Variants in NIM1K observed in about 807,000 individuals in gnomAD.
The protein encoded by NIM1K is NIM1 serine/threonine protein kinase.
Under a neutral mutation model 37.1 loss-of-function variants are expected in NIM1K, and 35 were observed. The observed-to-expected ratio is 0.94, with a 90% confidence interval of 0.72 to 1.25. NIM1K has a LOEUF of 1.25. Among genes scored for constraint, NIM1K ranks in the 50% most tolerant of loss-of-function variants. The pLI is 0.00. For synonymous variants in NIM1K, 234 were observed against 206.6 expected, an observed-to-expected ratio of 1.13 and a Z score of -1.14; for missense variants, 564 against 548.0, an observed-to-expected ratio of 1.03 and a Z score of -0.29.
At chr5:43,204,284 A>G (rs1307460744) in intron 1 of NIM1K, among the ~76,000 whole-genome samples, 5 of 150,542 alleles carry the variant, frequency 3.3e-5, no homozygotes, top group Admixed American at 3.3e-4. Context: ...GAGTTTCACC[A>G]TATTGGCCAG....
rs554322159 is a variant in NIM1K, at chr5:43,232,317, G to A, written c.-694-12765G>A. 4.8e-6 allele frequency: 6 copies of A among 1,248,238 alleles called. No homozygotes were observed. In the South Asian group the frequency reaches 6.0e-5, roughly 12 times the overall value. The allele number at this position is 1,248,238 out of a possible 1,614,324, so 77.3% of individuals were successfully genotyped here. A position where few individuals can be genotyped will look rare whatever the true frequency, so the allele number is the denominator to read the frequency against. On this transcript the variant is annotated intron_variant, in intron 1 of 3. Transcript: ENST00000326035. Reference sequence around the variant, plus strand: ...GCACTGGCAGTCTCTGCTACAGAAAGCTGTTTCATGGTAGGCTTTCTCAGC... The same window carrying A: ...GCACTGGCAGTCTCTGCTACAGAAAACTGTTTCATGGTAGGCTTTCTCAGC...
chr5:43,262,597 A>C (rs1347923733), intron 2 of NIM1K, among the ~76,000 whole-genome samples: 1 of 151,992 alleles, frequency 6.6e-6, no homozygotes, highest in Non-Finnish European at 1.5e-5. Context: ...AATAGCCTTT[A>C]TTTCTTTCTC....
At position 43,245,892 on chromosome 5, in the gene NIM1K, G is replaced by C; in HGVS notation, c.117G>C (p.Glu39Asp). 1 of 1,614,148 alleles carries C rather than the reference G, an allele frequency of 6.2e-7. No homozygotes were observed. The highest frequency in any genetic ancestry group is 8.5e-7 in the Non-Finnish European group (1 of 1,180,024). ...CCGAGAGTAGCAAGGAGGGTGAGGA[G>C]GGACAGCCCCGCCAGCTGACGCCCT... The part of the protein sequence containing the change: ...CQTESSKEGE[E>D]GQPRQLTPFE... The change falls in exon 2 of 4, where the codon GAG (glutamate) becomes GAC (aspartate). Residue 39 changes from glutamate to aspartate, a missense_variant. Glu to Asp is a conservative substitution (Grantham distance 45). Coordinates refer to ENST00000326035, the MANE Select transcript of NIM1K (RefSeq NM_153361.4).
chr5:43,238,198 A>G (rs749637578), intron 1 of NIM1K, among the ~76,000 whole-genome samples: 7 of 151,534 alleles, frequency 4.6e-5, no homozygotes, highest in Non-Finnish European at 8.8e-5. Context: ...GCCCGCCACC[A>G]CGCCCGGCTA....
chr5:43,280,537 T>C lies in NIM1K; in HGVS notation c.1119T>C (p.Asn373=), dbSNP rs138134945. 4.5e-5 allele frequency: 73 copies of C among 1,613,986 alleles called. No homozygotes were observed. Among genetic ancestry groups the C allele is most frequent in the Non-Finnish European group, 5.8e-5 (69 of 1,180,022 alleles). ...HLGITEEHIR[N]NQGRDARSSI... ...GCATTACAGAAGAGCATATTCGAAA[T>C]AACCAAGGGAGAGATGCTCGCAGCT... Residue 373 remains asparagine (N), a synonymous_variant, in exon 4 of 4, where the codon AAT becomes AAC. Transcript: ENST00000326035.
intron 1 of NIM1K, among the ~76,000 whole-genome samples, chr5:43,242,454 A>G (rs1579975407): frequency 6.6e-6 from 1 of 150,686 alleles, no homozygotes; most frequent in Non-Finnish European, 1.5e-5. Context: ...AGGGGCAGGG[A>G]TGGGGGAGAC....
intron 1 of NIM1K, among the ~76,000 whole-genome samples, chr5:43,228,150 A>AC (rs1205575676): frequency 6.7e-6 from 1 of 148,558 alleles, no homozygotes; most frequent in Non-Finnish European, 1.5e-5. Flanking sequence ...CTTGGTTGAG[A>AC]CCTTTTTTTT....
Position 43,280,687 on chromosome 5 carries a change from CA to C in NIM1K, c.1270del (p.Arg424GlufsTer3). On this transcript the variant is annotated frameshift_variant, in exon 4 of 4. Coordinates refer to ENST00000326035, the MANE Select transcript of NIM1K (RefSeq NM_153361.4). LOFTEE classifies it high-confidence loss of function. Reference protein sequence around the residue: ...RDLKKGSRVYRGIRHTSKFCS... With the variant: ...RDLKKGSRVYXGIRHTSKFCS... The stretch of plus-strand genomic sequence containing the variant: ...ACCTCAAAAAAGGGTCCCGTGTCTA[CA>C]GAGGGATAAGACACACATCCAAATT... The C allele has an allele frequency of 6.2e-7, 1 of 1,611,224 alleles. No individual in the cohort carries two copies.
At chr5:43,215,503 C>A (rs928428014) in intron 1 of NIM1K, among the ~76,000 whole-genome samples, 1 of 152,208 alleles carries the variant, frequency 6.6e-6, no homozygotes, top group Non-Finnish European at 1.5e-5. Context: ...GGCGCAATCT[C>A]GGCTCACGCA....
rs981288593 is a variant in NIM1K at position 43,280,760 on chromosome 5, A to G, written c.*31A>G. On this transcript the variant is annotated 3_prime_UTR_variant, in exon 4 of 4. Transcript: ENST00000326035. ...ACTAGACTGCTTGTAACTAACCAAG[A>G]TGATTGTTGCTGCTTCTAAATTTTT... 2.0e-6 allele frequency: 3 copies of G among 1,517,238 alleles called. No individual in the cohort carries two copies. Among genetic ancestry groups the G allele is most frequent in the Non-Finnish European group, 1.8e-6 (2 of 1,133,036 alleles). 94.0% of individuals were successfully genotyped at this position (1,517,238 alleles called of 1,614,324 possible).
rs1201339117 is a variant in NIM1K at position 43,259,856 on chromosome 5, TA to T, written c.292+13790del. On this transcript the variant is annotated intron_variant, in intron 2 of 3. Transcript: ENST00000326035. ...TTTGGGGTCTTAGTCACAAATTCTT[TA>T]TCTAAGTCAATGTCCAGTAGAGTTT... Among the ~76,000 whole-genome samples, 6 of 152,152 alleles carry T rather than the reference TA, an allele frequency of 3.9e-5. No individual in the cohort carries two copies. The East Asian group carries it at 1.2e-3, about 29-fold the overall frequency.
intron 1 of NIM1K, among the ~76,000 whole-genome samples, chr5:43,195,954 T>G (rs1006238300): frequency 6.6e-6 from 1 of 152,212 alleles, no homozygotes; most frequent in African/African-American, 2.4e-5. Flanking sequence ...TAAGAAGAAC[T>G]CCACTCTTCA....
intron 1 of NIM1K, among the ~76,000 whole-genome samples, chr5:43,202,354 AT>A (rs1277008933): frequency 6.6e-6 from 1 of 151,970 alleles, no homozygotes; most frequent in Non-Finnish European, 1.5e-5. Context: ...TAGCCCCCAA[AT>A]TTGTTTTAGA....
At chr5:43,214,240 A>AT (rs1752264429) in intron 1 of NIM1K, among the ~76,000 whole-genome samples, 1 of 152,190 alleles carries the variant, frequency 6.6e-6, no homozygotes, top group Non-Finnish European at 1.5e-5. Context: ...CACAGTAGAG[A>AT]TATATGCATA....
At chr5:43,229,562 T>C (rs979585624) in intron 1 of NIM1K, among the ~76,000 whole-genome samples, 1 of 152,070 alleles carries the variant, frequency 6.6e-6, no homozygotes, top group African/African-American at 2.4e-5. Context: ...ACAAGACAGA[T>C]AAAATCTGTC....
chr5:43,216,463 G>A (rs1213791880), intron 1 of NIM1K, among the ~76,000 whole-genome samples: 1 of 152,174 alleles, frequency 6.6e-6, no homozygotes, highest in Non-Finnish European at 1.5e-5. Flanking sequence ...CATATCTTTT[G>A]GTAGTGCAAT....
intron 1 of NIM1K, chr5:43,232,920 G>A (rs58488720): frequency 0.033 from 38,622 of 1,157,114 alleles, 1,728 homozygotes; most frequent in African/African-American, 0.19. Flanking sequence ...GGAAGAGCTG[G>A]TTGTAGGTGC....
intron 1 of NIM1K, among the ~76,000 whole-genome samples, chr5:43,209,517 AT>A (rs77857448): frequency 0.022 from 3,210 of 145,420 alleles, 131 homozygotes; most frequent in East Asian, 0.17. Context: ...GTTTGTGGTG[AT>A]TTTTTTTTTC....
rs777163599 is a variant in NIM1K at position 43,280,345 on chromosome 5, C to T, written c.927C>T (p.Ile309=). The change falls in exon 4 of 4, where the codon ATC becomes ATT. Residue 309 remains isoleucine, a synonymous_variant. Coordinates refer to ENST00000326035, the MANE Select transcript of NIM1K (RefSeq NM_153361.4). ...TCATCCGAGGAGTCCTTCAGCAGAT[C>T]CCCACGGAGAGGTACGGAATCGACT... ...HRLIRGVLQQ[I]PTERYGIDCI... is the part of the protein sequence containing the mutation. 6.2e-7 allele frequency: 1 copy of T among 1,614,160 alleles called. No homozygotes were observed. Among genetic ancestry groups the T allele is most frequent in the East Asian group, 2.2e-5 (1 of 44,868 alleles).
Sources: gnomAD v4.1 joint callset for allele counts (sites outside exome capture counted in the v4.1 genomes callset) on GRCh38, gnomAD v4.1.1 for gene constraint, MANE v1.5 for transcripts, NCBI Gene and HGNC (gene_info 2026-07-23, HGNC 2026-07-21) for gene names.